SYDE2: variants seen among roughly 807,000 people sequenced by gnomAD.
The protein encoded by SYDE2 is synapse defective Rho GTPase homolog 2, also known as rho GTPase-activating protein SYDE2.
Under a neutral mutation model 91.5 loss-of-function variants are expected in SYDE2, and 76 were observed. The ratio of observed to expected loss-of-function variants is 0.83; its 90% CI spans 0.69 to 1.01. SYDE2 has a LOEUF of 1.01. Ranked by LOEUF, SYDE2 falls within the 50% of genes least tolerant of loss-of-function variation. The pLI is 0.00. For synonymous variants in SYDE2, 513 were observed against 506.4 expected (o/e 1.01, Z -0.18); for missense variants, 1,364 against 1,367.7 (o/e 1.00, Z 0.04).
At chr1:85,166,097 T>A (rs548960394) in intron 5 of SYDE2, among the ~76,000 whole-genome samples, 1 of 151,950 alleles carries the variant, frequency 6.6e-6, no homozygotes, top group East Asian at 1.9e-4. Context: ...TCCCAGCACT[T>A]TGGGAGGCCA....
At chr1:85,153,627 T>C (rs748051614), downstream of SYDE2, 4 of 152,092 alleles carry the variant, frequency 2.6e-5, no homozygotes, top group African/African-American at 4.8e-5. Context: ...TCAGGAGTAA[T>C]GGAGAATGAG....
Position 85,182,365 on chromosome 1 carries a change from A to G in SYDE2, c.2277T>C (p.Cys759=). The change falls in exon 3 of 7, where the codon TGT becomes TGC. Residue 759 remains cysteine, a synonymous_variant. Coordinates refer to ENST00000341460, the MANE Select transcript of SYDE2 (RefSeq NM_032184.2). The part of the protein sequence containing the change: ...WEPTPRKNRV[C]CHGTVVLPTL... ...TGGGAAGAACAACAGTTCCATGACAACAAACTCGATTTTTTCTTGGAGTGG... is the reference window on the plus strand; with the variant it reads ...TGGGAAGAACAACAGTTCCATGACAGCAAACTCGATTTTTTCTTGGAGTGG... The G allele has an allele frequency of 6.2e-7, 1 of 1,613,898 alleles. No individual in the cohort carries two copies. Among genetic ancestry groups the G allele is most frequent in the East Asian group, 2.2e-5 (1 of 44,862 alleles).
At chr1:85,168,108 CCTT>C (rs1265882691) in intron 5 of SYDE2, among the ~76,000 whole-genome samples, 58 of 149,932 alleles carry the variant, frequency 3.9e-4, no homozygotes, top group Middle Eastern at 3.4e-3. Context: ...GAGTGAGACT[CCTT>C]CTTCAAAAAA....
chr1:85,190,986 C>T (rs557080261), intron 1 of SYDE2, among the ~76,000 whole-genome samples: 5 of 151,978 alleles, frequency 3.3e-5, no homozygotes, highest in Non-Finnish European at 7.4e-5. Flanking sequence ...AAAGGATATA[C>T]AAACTCTGAG....
chr1:85,197,201 G>A (rs1658619035), intron 1 of SYDE2, among the ~76,000 whole-genome samples: 1 of 152,044 alleles, frequency 6.6e-6, no homozygotes, highest in African/African-American at 2.4e-5. Context: ...TCTCAATTAG[G>A]AACAATTCGG....
At chr1:85,166,816 G>T (rs966254879) in intron 5 of SYDE2, among the ~76,000 whole-genome samples, 14 of 151,952 alleles carry the variant, frequency 9.2e-5, no homozygotes, top group African/African-American at 3.1e-4. Flanking sequence ...CACTACACCT[G>T]GTTAAATATA....
At chr1:85,189,408 G>C (rs1192730924) in intron 2 of SYDE2, among the ~76,000 whole-genome samples, 1 of 152,156 alleles carries the variant, frequency 6.6e-6, no homozygotes, top group African/African-American at 2.4e-5. Context: ...GCCAGGCCAG[G>C]TGTGAATGAA....
intron 2 of SYDE2, among the ~76,000 whole-genome samples, chr1:85,184,998 A>G (rs1004717759): frequency 2.6e-5 from 4 of 151,912 alleles, no homozygotes; most frequent in Non-Finnish European, 4.4e-5. Context: ...TTGAAATTCA[A>G]CCATTTTCTT....
At chr1:85,194,878 C>A in intron 1 of SYDE2, 1 of 982,842 alleles carries the variant, frequency 1.0e-6, no homozygotes, top group Non-Finnish European at 1.2e-6. Context: ...TCTGTAGTAC[C>A]GGCTGGGCGC....
chr1:85,194,499 AAT>A (rs753126838), intron 1 of SYDE2, among the ~76,000 whole-genome samples: 41 of 148,334 alleles, frequency 2.8e-4, no homozygotes, highest in African/African-American at 1.7e-4. Context: ...ATAATATAAA[AAT>A]ATGTTATATA....
intron 4 of SYDE2, among the ~76,000 whole-genome samples, chr1:85,175,298 G>C (rs150474371): frequency 6.6e-6 from 1 of 152,106 alleles, no homozygotes; most frequent in Non-Finnish European, 1.5e-5. Flanking sequence ...TCAGGAATTC[G>C]AGACCACCCT....
chr1:85,154,905 C>A (rs1557736479), downstream of SYDE2, among the ~76,000 whole-genome samples: 1 of 149,544 alleles, frequency 6.7e-6, no homozygotes, highest in East Asian at 2.0e-4. Flanking sequence ...GTCAAACACA[C>A]AAGGACTCCT....
Position 85,182,705 on chromosome 1 carries a change from T to C in SYDE2, c.1937A>G (p.Lys646Arg). The change falls in exon 3 of 7, where the codon AAA becomes AGA. Residue 646 changes from lysine (K) to arginine (R), a missense_variant. By Grantham distance (26) the Lys-to-Arg change is conservative (BLOSUM62 2). Coordinates refer to ENST00000341460, the MANE Select transcript of SYDE2 (RefSeq NM_032184.2). ...GCTACAACTATTTGAAATTATTTCT[T>C]TTCCTTTTCCAAATTTGTTTTCAGA... ...HGSENKFGKGKEIISNSCSKN... is the reference protein window; with the variant it reads ...HGSENKFGKGREIISNSCSKN... The C allele has an allele frequency of 6.2e-7, 1 of 1,613,800 alleles. No individual in the cohort carries two copies. The highest frequency in any genetic ancestry group is 8.5e-7 in the Non-Finnish European group (1 of 1,179,824).
chr1:85,160,307 T>C, intron 6 of SYDE2: 2 of 929,056 alleles, frequency 2.2e-6, no homozygotes, highest in Non-Finnish European at 2.6e-6. Context: ...GTTCTAGTTT[T>C]CCAGACTTAA....
At chr1:85,171,245 A>T (rs1367519341) in intron 4 of SYDE2, among the ~76,000 whole-genome samples, 1 of 152,172 alleles carries the variant, frequency 6.6e-6, no homozygotes, top group Admixed American at 6.5e-5. Flanking sequence ...GGATCTTGGG[A>T]ATGATTATCA....
chr1:85,190,812 C>G, intron 1 of SYDE2, 60 bp from the exon 2 acceptor site: 29 of 1,354,098 alleles, frequency 2.1e-5, no homozygotes, highest in Non-Finnish European at 2.9e-5. Context: ...AAAGACATGT[C>G]ACTTCAGACC....
chr1:85,168,115 CAA>C (rs147196368), intron 5 of SYDE2, among the ~76,000 whole-genome samples: 23 of 128,388 alleles, frequency 1.8e-4, no homozygotes, highest in Admixed American at 3.1e-4. Context: ...ACTCCTTCTT[CAA>C]AAAAAAAAAA....
intron 1 of SYDE2, among the ~76,000 whole-genome samples, chr1:85,196,649 T>C (rs1482040339): frequency 2.0e-5 from 3 of 148,124 alleles, no homozygotes; most frequent in African/African-American, 4.9e-5. Context: ...AGCACCACAA[T>C]AGCAGAATCT....
chr1:85,173,633 G>A (rs954291358), intron 4 of SYDE2, among the ~76,000 whole-genome samples: 2 of 152,056 alleles, frequency 1.3e-5, no homozygotes, highest in African/African-American at 2.4e-5. Context: ...TGCAAGTAAC[G>A]TACTTGCATA....
Sources: gnomAD v4.1 joint callset for allele counts (sites outside exome capture counted in the v4.1 genomes callset) on GRCh38, gnomAD v4.1.1 for gene constraint, MANE v1.5 for transcripts, NCBI Gene and HGNC (gene_info 2026-07-23, HGNC 2026-07-21) for gene names.